The following FAAH2 variants were observed in gnomAD, a reference collection of about 807,000 sequenced individuals.
FAAH2 encodes fatty acid amide hydrolase 2, also known as fatty-acid amide hydrolase 2.
FAAH2 carries 60 observed loss-of-function variants against 36.9 expected under a neutral mutation model. The ratio of observed to expected loss-of-function variants is 1.63; its 90% confidence interval spans 1.32 to 2.02. The LOEUF is 2.02. Ranked by LOEUF, FAAH2 falls within the 30% of genes most tolerant of loss-of-function variation. The pLI is 0.00. For missense variants in FAAH2, 689 were observed against 397.5 expected, an observed-to-expected ratio of 1.73 and a Z score of -6.23; for synonymous variants, 214 against 143.8, an observed-to-expected ratio of 1.49 and a Z score of -3.49.
chrX:57,161,251 A>C, the FAAH2 span, among the ~76,000 whole-genome samples: 31 of 111,763 alleles, frequency 2.8e-4, 1 homozygote, highest in Admixed American at 1.5e-3. Flanking sequence ...CTGTTCTTTT[A>C]CATTTGCTGA....
the FAAH2 span, among the ~76,000 whole-genome samples, chrX:57,206,740 T>C: frequency 8.9e-6 from 1 of 112,131 alleles, no homozygotes; most frequent in Non-Finnish European, 1.9e-5. Flanking sequence ...AAAGGCCAAT[T>C]TCTTGGAATC....
the FAAH2 span, chrX:57,136,644 A>G: frequency 2.8e-6 from 1 of 359,564 alleles, no homozygotes; most frequent in Non-Finnish European, 4.8e-6. Flanking sequence ...CCAGTGTGCC[A>G]CAAGGCAAAC....
chrX:57,237,689 C>T, the FAAH2 span, among the ~76,000 whole-genome samples: 1 of 110,455 alleles, frequency 9.1e-6, no homozygotes, highest in Non-Finnish European at 1.9e-5. Flanking sequence ...AGCAAAAAAA[C>T]CTATCAACCA....
At chrX:57,452,299 A>G in intron 10 of FAAH2, 1 of 754,796 alleles carries the variant, frequency 1.3e-6, no homozygotes, top group Non-Finnish European at 1.6e-6. Flanking sequence ...GAAACTCAAG[A>G]TTTATATGTC....
intron 4 of FAAH2, among the ~76,000 whole-genome samples, chrX:57,340,448 C>A (rs2053658486): frequency 9.0e-6 from 1 of 111,664 alleles, no homozygotes; most frequent in African/African-American, 3.3e-5. Flanking sequence ...TGGGTATATA[C>A]CCAAAGGAAT....
At chrX:57,273,978 T>A in the FAAH2 span, among the ~76,000 whole-genome samples, 1 of 111,382 alleles carries the variant, frequency 9.0e-6, no homozygotes, top group African/African-American at 3.3e-5. Flanking sequence ...AGGAGTTGTT[T>A]TTTTAGAAAA....
At chrX:57,378,605 A>T (rs185613513) in intron 5 of FAAH2, 46 bp from the exon 6 acceptor site, 2 of 1,198,009 alleles carry the variant, frequency 1.7e-6, no homozygotes, top group East Asian at 6.0e-5. Flanking sequence ...ACATGCAGGG[A>T]TCATGTCTTA....
intron 5 of FAAH2, among the ~76,000 whole-genome samples, chrX:57,376,396 C>T (rs12851512): frequency 2.7e-5 from 3 of 111,068 alleles, no homozygotes; most frequent in African/African-American, 9.8e-5. Flanking sequence ...GCCCTTCACC[C>T]TCTGACAGGC....
the FAAH2 span, among the ~76,000 whole-genome samples, chrX:57,186,822 C>A: frequency 3.6e-5 from 4 of 111,776 alleles, no homozygotes; most frequent in Admixed American, 9.5e-5. Context: ...AGTAAAGAAT[C>A]CTTTCCCCAT....
chrX:57,284,425 A>G (rs2051782361), upstream of FAAH2, among the ~76,000 whole-genome samples: 1 of 105,576 alleles, frequency 9.5e-6, no homozygotes, highest in Non-Finnish European at 1.9e-5. Flanking sequence ...AACAACAACA[A>G]AACCTGGAAT....
chrX:57,216,306 C>T, the FAAH2 span, among the ~76,000 whole-genome samples: 1 of 104,298 alleles, frequency 9.6e-6, no homozygotes, highest in African/African-American at 3.5e-5. Context: ...CCCCAAAGCC[C>T]ACTGTATCAT....
intron 7 of FAAH2, among the ~76,000 whole-genome samples, chrX:57,414,878 G>A (rs1602582814): frequency 2.1e-5 from 2 of 96,837 alleles, no homozygotes; most frequent in African/African-American, 3.8e-5. Flanking sequence ...TTGGTTGGTA[G>A]GCTATTAATT....
the FAAH2 span, among the ~76,000 whole-genome samples, chrX:57,245,195 A>G: frequency 1.8e-5 from 2 of 112,246 alleles, no homozygotes; most frequent in African/African-American, 6.5e-5. Flanking sequence ...TCCTAAGTAT[A>G]CATGCACCCA....
At chrX:57,421,341 A>G (rs973166837) in intron 7 of FAAH2, among the ~76,000 whole-genome samples, 3 of 112,130 alleles carry the variant, frequency 2.7e-5, no homozygotes, top group Admixed American at 1.9e-4. Context: ...CTACTCAGCT[A>G]CTCAGGTGGG....
At chrX:57,483,098 G>A (rs1358978169) in intron 10 of FAAH2, among the ~76,000 whole-genome samples, 1 of 111,442 alleles carries the variant, frequency 9.0e-6, no homozygotes, top group African/African-American at 3.3e-5. Context: ...CCTCACGTAT[G>A]TTTTCAAGGT....
the FAAH2 span, among the ~76,000 whole-genome samples, chrX:57,253,383 G>A: frequency 9.0e-6 from 1 of 111,713 alleles, no homozygotes; most frequent in Non-Finnish European, 1.9e-5. Flanking sequence ...AACCTAGCAA[G>A]GCAGGCCAAC....
chrX:57,326,990 TC>T (rs1455019248), intron 3 of FAAH2, among the ~76,000 whole-genome samples: 1 of 105,440 alleles, frequency 9.5e-6, no homozygotes, highest in Admixed American at 1.0e-4. Flanking sequence ...GTTGTTCCTT[TC>T]CATGTTTAGT....
the FAAH2 span, among the ~76,000 whole-genome samples, chrX:57,263,402 C>A: frequency 9.0e-6 from 1 of 111,461 alleles, no homozygotes; most frequent in Non-Finnish European, 1.9e-5. Flanking sequence ...TGCACTGGAC[C>A]TGTTTACTGA....
chrX:57,194,999 TTATC>T, the FAAH2 span, among the ~76,000 whole-genome samples: 1 of 111,328 alleles, frequency 9.0e-6, no homozygotes, highest in African/African-American at 3.3e-5. Flanking sequence ...CACATTTTCT[TTATC>T]TACTCATTGA....
Sources: allele counts gnomAD v4.1 joint callset (sites outside exome capture counted in the v4.1 genomes callset), GRCh38; gene constraint gnomAD v4.1.1; transcripts MANE v1.5; gene names NCBI Gene and HGNC (gene_info 2026-07-23, HGNC 2026-07-21).